Variants in TNRC6A observed in about 807,000 individuals in gnomAD.
TNRC6A encodes the protein trinucleotide repeat containing adaptor 6A, also known as trinucleotide repeat-containing gene 6A protein.
A neutral mutation model predicts 221.2 loss-of-function variants in TNRC6A; 44 were observed. The observed-to-expected ratio is 0.20, with a 90% CI of 0.16 to 0.26. The LOEUF (loss-of-function observed/expected upper bound fraction) is 0.26, where lower values mean the gene tolerates loss of function less well. TNRC6A is among the 10% of genes least tolerant of loss of function. TNRC6A has a pLI of 1.00. For synonymous variants in TNRC6A, 847 were observed against 838.5 expected (o/e 1.01, Z -0.18); for missense variants, 2,199 against 2,404.4 (o/e 0.91, Z 1.79).
chr16:24,674,125 C>T (rs80237910), intron 2 of TNRC6A, among the ~76,000 whole-genome samples: 33 of 151,992 alleles, frequency 2.2e-4, no homozygotes, highest in African/African-American at 8.0e-4. Context: ...GGCTGGAATA[C>T]GGTGGTGTGA....
At chr16:24,657,490 A>C (rs914915072) in intron 2 of TNRC6A, among the ~76,000 whole-genome samples, 2 of 152,036 alleles carry the variant, frequency 1.3e-5, no homozygotes, top group Admixed American at 1.3e-4. Context: ...CGGGTGGATC[A>C]CTTCAGGTCA....
At chr16:24,813,148 A>T (rs1386189604) in intron 18 of TNRC6A, among the ~76,000 whole-genome samples, 1 of 152,064 alleles carries the variant, frequency 6.6e-6, no homozygotes, top group African/African-American at 2.4e-5. Context: ...AAGTGCTGGG[A>T]TTATAGGCGT....
At chr16:24,736,746 T>C (rs1456172232) in intron 2 of TNRC6A, among the ~76,000 whole-genome samples, 1 of 152,138 alleles carries the variant, frequency 6.6e-6, no homozygotes, top group Admixed American at 6.5e-5. Flanking sequence ...TCCAATATTC[T>C]TACTTCTACA....
intron 4 of TNRC6A, among the ~76,000 whole-genome samples, chr16:24,772,273 A>T (rs1321363129): frequency 6.6e-6 from 1 of 152,218 alleles, no homozygotes; most frequent in African/African-American, 2.4e-5. Flanking sequence ...ACTTATTGGT[A>T]ACAGTGTTAT....
intron 2 of TNRC6A, among the ~76,000 whole-genome samples, chr16:24,743,181 GT>G (rs1196233710): frequency 2.0e-5 from 3 of 152,148 alleles, no homozygotes; most frequent in Non-Finnish European, 4.4e-5. Context: ...CCAGTGCTAT[GT>G]TTCAGGGTTG....
chr16:24,754,899 C>T (rs1455465431), intron 3 of TNRC6A, among the ~76,000 whole-genome samples: 3 of 152,116 alleles, frequency 2.0e-5, no homozygotes, highest in Non-Finnish European at 2.9e-5. Context: ...GTGTTATTGA[C>T]TTAAATATAC....
intron 2 of TNRC6A, among the ~76,000 whole-genome samples, chr16:24,682,384 C>T (rs1184445974): frequency 6.9e-6 from 1 of 143,964 alleles, no homozygotes. Context: ...CACCACCACG[C>T]CCAGCTTTTT....
chr16:24,668,867 T>C (rs886742929), intron 2 of TNRC6A, among the ~76,000 whole-genome samples: 4 of 152,200 alleles, frequency 2.6e-5, no homozygotes, highest in Non-Finnish European at 5.9e-5. Flanking sequence ...AACACCTCTC[T>C]GAGCCTTGCC....
chr16:24,725,324 C>T (rs988765003), upstream of TNRC6A, among the ~76,000 whole-genome samples: 2 of 152,098 alleles, frequency 1.3e-5, no homozygotes, highest in Non-Finnish European at 2.9e-5. Context: ...AGATGCACAC[C>T]ACCACACCTG....
At position 24,823,005 on chromosome 16, in the gene TNRC6A, T is replaced by C. The variant is rs774595681; in HGVS notation, c.5505T>C (p.Ser1835=). The C allele has an allele frequency of 6.2e-7, 1 of 1,614,224 alleles. No homozygotes were observed. Among genetic ancestry groups the C allele is most frequent in the South Asian group, 1.1e-5 (1 of 91,086 alleles). Residue 1835 remains serine (S), a synonymous_variant, in exon 24 of 25, where the codon TCT becomes TCC. Transcript: ENST00000395799. The surrounding 1 kb of genome is among the most constrained non-coding windows in gnomAD (Gnocchi z 4.3). The part of the protein sequence containing the change: ...SKEEVVKAQK[S]LHMCVLGNTT... The stretch of plus-strand genomic sequence containing the variant: ...AAGAGGTAGTGAAGGCACAAAAGTC[T>C]CTGCACATGTAAGTTGGCTGTTGGG...
intron 2 of TNRC6A, among the ~76,000 whole-genome samples, chr16:24,722,977 C>T (rs1025469731): frequency 2.0e-5 from 3 of 151,930 alleles, no homozygotes; most frequent in South Asian, 2.1e-4. Context: ...GTGTTATTAC[C>T]GACTTGGGGG....
At chr16:24,757,659 A>G (rs1010936896) in intron 3 of TNRC6A, among the ~76,000 whole-genome samples, 1 of 152,222 alleles carries the variant, frequency 6.6e-6, no homozygotes, top group Non-Finnish European at 1.5e-5. Context: ...TTGTGGTGTC[A>G]GAAAATAAAG....
At chr16:24,747,172 C>T (rs2057031103) in intron 2 of TNRC6A, among the ~76,000 whole-genome samples, 1 of 152,154 alleles carries the variant, frequency 6.6e-6, no homozygotes, top group Admixed American at 6.5e-5. Flanking sequence ...AATTTACATA[C>T]AGTAAAATTC....
intron 4 of TNRC6A, among the ~76,000 whole-genome samples, chr16:24,771,900 G>A (rs986456943): frequency 2.6e-5 from 4 of 152,170 alleles, no homozygotes; most frequent in East Asian, 1.9e-4. Flanking sequence ...AGTGAAATCT[G>A]GCCCACTGCC....
intron 2 of TNRC6A, among the ~76,000 whole-genome samples, chr16:24,647,492 T>C (rs1178295390): frequency 6.6e-6 from 1 of 152,228 alleles, no homozygotes; most frequent in Non-Finnish European, 1.5e-5. Flanking sequence ...TGGTAAAATA[T>C]ACACAACATA....
intron 2 of TNRC6A, among the ~76,000 whole-genome samples, chr16:24,749,827 T>G (rs1567421528): frequency 6.6e-6 from 1 of 152,190 alleles, no homozygotes; most frequent in African/African-American, 2.4e-5. Flanking sequence ...TTTTAAAATT[T>G]AAACAAACTA....
chr16:24,640,209 G>A (rs2141745872), intron 1 of TNRC6A, among the ~76,000 whole-genome samples: 1 of 152,198 alleles, frequency 6.6e-6, no homozygotes, highest in Admixed American at 6.5e-5. Flanking sequence ...AGACCAGCCT[G>A]AGCAACATAG....
chr16:24,705,333 A>ATTT (rs113333291), intron 2 of TNRC6A, among the ~76,000 whole-genome samples: 2 of 143,392 alleles, frequency 1.4e-5, no homozygotes, highest in African/African-American at 2.5e-5. Flanking sequence ...TATTAGATGA[A>ATTT]TTTTTTTTTT....
intron 21 of TNRC6A, among the ~76,000 whole-genome samples, chr16:24,819,120 G>T (rs2058713610): frequency 6.6e-6 from 1 of 152,228 alleles, no homozygotes; most frequent in Non-Finnish European, 1.5e-5. Flanking sequence ...TCAGGTTGCT[G>T]TCTGTCTACA....
Sources: gnomAD v4.1 joint callset for allele counts (sites outside exome capture counted in the v4.1 genomes callset) on GRCh38, gnomAD v4.1.1 for gene constraint, Gnocchi (gnomAD v3.1) non-coding constraint, MANE v1.5 for transcripts, NCBI Gene and HGNC (gene_info 2026-07-23, HGNC 2026-07-21) for gene names.